Variants in WNK1 observed in about 807,000 individuals in gnomAD.
The protein encoded by WNK1 is WNK lysine deficient protein kinase 1, also known as serine/threonine-protein kinase WNK1.
Under a neutral mutation model 222.8 loss-of-function variants are expected in WNK1, and 38 were observed. The ratio of observed to expected loss-of-function variants is 0.17; its 90% CI spans 0.13 to 0.22. WNK1 has a LOEUF of 0.22. Ranked by LOEUF, WNK1 falls within the 10% of genes least tolerant of loss-of-function variation. The pLI, the probability that WNK1 is intolerant of heterozygous loss-of-function variation, is 1.00. For missense variants in WNK1, 2,348 were observed against 2,918.4 expected (o/e 0.80, Z 4.50); for synonymous variants, 1,090 against 1,092.9 (o/e 1.00, Z 0.05).
Position 897,462 on chromosome 12 carries a change from T to G in WNK1, c.6246-17T>G. ...AGGATTATGGTATTTTGAATTATGT[T>G]TGGTTATCTTTCACAGACATCTCAA... On this transcript the variant is annotated splice_polypyrimidine_tract_variant and intron_variant, in intron 24 of 27. Transcript: ENST00000315939. 1 of 1,472,068 alleles carries G rather than the reference T, an allele frequency of 6.8e-7. No homozygotes were observed. The highest frequency in any genetic ancestry group is 9.5e-7 in the Non-Finnish European group (1 of 1,050,474). The allele number at this position is 1,472,068 out of a possible 1,614,324, so 91.2% of individuals were successfully genotyped here.
At chr12:802,226 T>C (rs1410685134) in intron 1 of WNK1, among the ~76,000 whole-genome samples, 1 of 152,178 alleles carries the variant, frequency 6.6e-6, no homozygotes, top group African/African-American at 2.4e-5. Context: ...CAATACTAAT[T>C]AGTTACGAGG....
At position 813,749 on chromosome 12, in the gene WNK1, C is replaced by T. The variant is rs1318350077; in HGVS notation, c.867C>T (p.Ser289=). The T allele has an allele frequency of 1.9e-6, 3 of 1,613,752 alleles. No homozygotes were observed. The highest frequency in any genetic ancestry group is 2.5e-6 in the Non-Finnish European group (3 of 1,179,960). The change falls in exon 2 of 28, where the codon TCC becomes TCT. Residue 289 remains serine (S), a synonymous_variant. Coordinates refer to ENST00000315939, the MANE Select transcript of WNK1 (RefSeq NM_018979.4). ...NIVRFYDSWE[S]TVKGKKCIVL... ...TTAGATTTTATGATTCCTGGGAATC[C>T]ACAGTAAAAGGAAAGAAGTGCATTG...
chr12:860,996 AC>A lies in WNK1; in HGVS notation c.1621-14del. The A allele has an allele frequency of 6.2e-7, 1 of 1,610,048 alleles. No homozygotes were observed. Among genetic ancestry groups the A allele is most frequent in the South Asian group, 1.1e-5 (1 of 90,968 alleles). On this transcript the variant is annotated splice_polypyrimidine_tract_variant and intron_variant, in intron 6 of 27. Transcript: ENST00000315939. ...CTTTCAATATACTACTGCTTAATTT[AC>A]CCTTTTATTCTGTAGGTAGAGTCTG... is the stretch of plus-strand genomic sequence containing the variant.
intron 4 of WNK1, among the ~76,000 whole-genome samples, chr12:856,222 C>T (rs911857254): frequency 1.4e-4 from 21 of 151,558 alleles, no homozygotes; most frequent in Non-Finnish European, 2.1e-4. Flanking sequence ...CCGAGGAGGG[C>T]GGATCACCTG....
chr12:899,197 A>C (rs966942258), intron 25 of WNK1, among the ~76,000 whole-genome samples: 1 of 152,258 alleles, frequency 6.6e-6, no homozygotes, highest in Non-Finnish European at 1.5e-5. Flanking sequence ...AAAGGTTCAC[A>C]GATATCCAAA....
At chr12:772,898 A>G (rs1942699648) in intron 1 of WNK1, among the ~76,000 whole-genome samples, 1 of 152,208 alleles carries the variant, frequency 6.6e-6, no homozygotes, top group African/African-American at 2.4e-5. Flanking sequence ...TTTTTAGAAC[A>G]GTGGTACTGT....
chr12:799,020 T>C (rs1945615870), intron 1 of WNK1, among the ~76,000 whole-genome samples: 2 of 152,164 alleles, frequency 1.3e-5, no homozygotes, highest in Non-Finnish European at 2.9e-5. Context: ...GGGGCATATA[T>C]TTATATGTTG....
At chr12:865,203 G>T in intron 8 of WNK1, 1 of 1,535,610 alleles carries the variant, frequency 6.5e-7, no homozygotes, top group Non-Finnish European at 8.7e-7. Context: ...CCACCCCACC[G>T]CCAGTACTGT....
At chr12:772,487 A>T (rs1942646855) in intron 1 of WNK1, among the ~76,000 whole-genome samples, 1 of 152,034 alleles carries the variant, frequency 6.6e-6, no homozygotes, top group South Asian at 2.1e-4. Context: ...GTATGCCACC[A>T]TACAGCAGCG....
chr12:880,168 T>C, intron 11 of WNK1, 137 bp downstream of exon 11: 3 of 872,818 alleles, frequency 3.4e-6, no homozygotes, highest in East Asian at 2.6e-5. Context: ...AGTAAAATTC[T>C]GAGAAAGGAT....
At position 758,946 on chromosome 12, in the gene WNK1, C is replaced by A; in HGVS notation, c.759+4622C>A. ...CAATTCATTTCTTGACATTCAAATT[C>A]TGATGCAAGAGCCTAGTCATTTAAA... On this transcript the variant is annotated intron_variant, in intron 1 of 27. Coordinates refer to ENST00000315939, the MANE Select transcript of WNK1 (RefSeq NM_018979.4). 1.4e-5 allele frequency among the ~76,000 whole-genome samples: 2 copies of A among 147,264 alleles called. 1 individual carries two copies. The highest frequency in any genetic ancestry group is 3.0e-5 in the Non-Finnish European group (2 of 66,070).
At chr12:871,886 C>T (rs1009463801) in intron 9 of WNK1, among the ~76,000 whole-genome samples, 4 of 152,052 alleles carry the variant, frequency 2.6e-5, no homozygotes, top group South Asian at 2.1e-4. Flanking sequence ...TACAGGCATG[C>T]GCCACCTCAC....
chr12:880,876 G>A lies in WNK1; in HGVS notation c.2988G>A (p.Gln996=), dbSNP rs533134647. 6.2e-7 allele frequency: 1 copy of A among 1,614,114 alleles called. No homozygotes were observed. The highest frequency in any genetic ancestry group is 1.3e-5 in the African/African-American group (1 of 75,020). Residue 996 remains glutamine, a synonymous_variant, in exon 12 of 28, where the codon CAG becomes CAA. Coordinates refer to ENST00000315939, the MANE Select transcript of WNK1 (RefSeq NM_018979.4). ...ATPGYFPTVV[Q]PYVESNLLVP... ...CTGGGTACTTTCCCACAGTGGTGCA[G>A]CCTTATGTGGAATCAAATCTTTTAG... is the stretch of plus-strand genomic sequence containing the variant.
Position 908,819 on chromosome 12 carries a change from T to A in WNK1, c.*27T>A. On this transcript the variant is annotated 3_prime_UTR_variant, in exon 28 of 28. Coordinates refer to ENST00000315939, the MANE Select transcript of WNK1 (RefSeq NM_018979.4). ...CCTAGAGACATTAACTGAATAGATC[T>A]GGGGGCAGGAGATGGAATGCTGAGG... The A allele has an allele frequency of 3.3e-6, 2 of 603,262 alleles. No individual in the cohort carries two copies. Among genetic ancestry groups the A allele is most frequent in the Non-Finnish European group, 4.9e-6 (2 of 410,174 alleles). 37.4% of individuals were successfully genotyped at this position (603,262 alleles called of 1,614,324 possible). A position where few individuals can be genotyped will look rare whatever the true frequency, so the allele number is the denominator to read the frequency against.
intron 9 of WNK1, among the ~76,000 whole-genome samples, chr12:872,740 C>G (rs779741977): frequency 2.3e-4 from 35 of 152,126 alleles, no homozygotes; most frequent in Non-Finnish European, 5.1e-4. Flanking sequence ...GCTTCTGTTT[C>G]TATTAGTTTT....
At chr12:890,859 T>C (rs971629663) in intron 22 of WNK1, among the ~76,000 whole-genome samples, 5 of 152,226 alleles carry the variant, frequency 3.3e-5, no homozygotes. Context: ...GAAGCTTGAA[T>C]AGTCTGGACA....
Position 884,109 on chromosome 12 carries a change from GT to G in WNK1, c.3722-7del. 1 of 1,614,052 alleles carries G rather than the reference GT, an allele frequency of 6.2e-7. No individual in the cohort carries two copies. Among genetic ancestry groups the G allele is most frequent in the Non-Finnish European group, 8.5e-7 (1 of 1,179,976 alleles). On this transcript the variant is annotated splice_polypyrimidine_tract_variant and intron_variant, in intron 17 of 27. Coordinates refer to ENST00000315939, the MANE Select transcript of WNK1 (RefSeq NM_018979.4). This position sits in a 1 kb window ranked among gnomAD's most constrained non-coding sequence, Gnocchi z 5.6. ...GCTATTAAGTTACGTTTGTTTGTTT[GT>G]TTTTGACCAGGCATTCCTACCAGTT...
chr12:790,501 G>A (rs1205552758), intron 1 of WNK1, among the ~76,000 whole-genome samples: 5 of 152,124 alleles, frequency 3.3e-5, no homozygotes, highest in Non-Finnish European at 7.4e-5. Context: ...TTGTCTATGG[G>A]TACTGTTGCT....
chr12:752,663 A>G lies in WNK1; in HGVS notation c.-903A>G, dbSNP rs1431581527. 1 of 152,274 alleles carries G rather than the reference A, an allele frequency of 6.6e-6. No individual in the cohort carries two copies. Among genetic ancestry groups the G allele is most frequent in the Non-Finnish European group, 1.5e-5 (1 of 68,228 alleles). 9.4% of individuals were successfully genotyped at this position (152,274 alleles called of 1,614,324 possible). ...CCACTCCGCACCCCCATCTTCGGTG[A>G]CAGAAGGCGCCTGGTGGGGGTGGCT... On this transcript the variant is annotated 5_prime_UTR_variant, in exon 1 of 28. Coordinates refer to ENST00000315939, the MANE Select transcript of WNK1 (RefSeq NM_018979.4).
Sources: allele counts gnomAD v4.1 joint callset (sites outside exome capture counted in the v4.1 genomes callset), GRCh38; gene constraint gnomAD v4.1.1; non-coding constraint Gnocchi (gnomAD v3.1); transcripts MANE v1.5; gene names NCBI Gene and HGNC (gene_info 2026-07-23, HGNC 2026-07-21).